The following CXXC5 variants were observed in gnomAD, a reference collection of about 807,000 sequenced individuals.
CXXC5 encodes CXXC-type zinc finger protein 5.
A neutral mutation model predicts 17.6 loss-of-function variants in CXXC5; 2 were observed. The ratio of observed to expected loss-of-function variants is 0.11; its 90% CI spans 0.05 to 0.36. CXXC5 has a LOEUF of 0.36. Among genes scored for constraint, CXXC5 ranks in the 10% least tolerant of loss-of-function variants. The probability of loss-of-function intolerance (pLI) is 1.00; values close to 1 mark genes in which losing one functional copy is unlikely to be tolerated. For synonymous variants in CXXC5, 171 were observed against 193.0 expected, an observed-to-expected ratio of 0.89 and a Z score of 0.94; for missense variants, 343 against 458.3, an observed-to-expected ratio of 0.75 and a Z score of 2.30.
At position 139,668,523 on chromosome 5, in the gene CXXC5, G is replaced by T. The variant is rs1756257064; in HGVS notation, c.-160-11841G>T. On this transcript the variant is annotated intron_variant, in intron 1 of 2. Transcript: ENST00000302517. The surrounding 1 kb of genome is among the most constrained non-coding windows in gnomAD (Gnocchi z 4.1). ...CCGCTCCAGGCCCGAGGTGATGGCG[G>T]CTGTTCCTGCCGTTCTGGGGCCTGT... 6.6e-6 allele frequency among the ~76,000 whole-genome samples: 1 copy of T among 152,154 alleles called. No homozygotes were observed. Among genetic ancestry groups the T allele is most frequent in the Non-Finnish European group, 1.5e-5 (1 of 68,020 alleles).
chr5:139,649,383 A>C (rs1423956187), intron 1 of CXXC5: 1 of 151,572 alleles, frequency 6.6e-6, no homozygotes, highest in South Asian at 2.1e-4. Flanking sequence ...CTGCTTGTAG[A>C]TCTCTGGCGC....
intron 1 of CXXC5, among the ~76,000 whole-genome samples, chr5:139,674,502 G>A (rs181339973): frequency 4.6e-5 from 7 of 152,252 alleles, no homozygotes; most frequent in East Asian, 1.9e-4. Flanking sequence ...GTCCTGAAAC[G>A]CAGCCTCTTC....
In CXXC5 at chr5:139,661,459, C is replaced by CACA. The variant is rs1041541491; in HGVS notation, c.-161+12615_-161+12617dup. On this transcript the variant is annotated intron_variant, in intron 1 of 2. Coordinates refer to ENST00000302517, the MANE Select transcript of CXXC5 (RefSeq NM_016463.9). This position sits in a 1 kb window ranked among gnomAD's most constrained non-coding sequence, Gnocchi z 4.7. ...TACAGACTCGGTCACATGCACCATG[C>CACA]ACACACAGCTCCCATGTGGTGCTCC... Among the ~76,000 whole-genome samples, 1 of 152,218 alleles carries CACA rather than the reference C, an allele frequency of 6.6e-6. No individual in the cohort carries two copies. The highest frequency in any genetic ancestry group is 1.5e-5 in the Non-Finnish European group (1 of 68,040).
At chr5:139,652,696 G>A (rs1225479205) in intron 1 of CXXC5, among the ~76,000 whole-genome samples, 1 of 152,220 alleles carries the variant, frequency 6.6e-6, no homozygotes, top group Non-Finnish European at 1.5e-5. Flanking sequence ...ATCTAGAAGT[G>A]TGTGGATCTG....
At chr5:139,662,720 A>G (rs1218683952) in intron 1 of CXXC5, among the ~76,000 whole-genome samples, 1 of 152,234 alleles carries the variant, frequency 6.6e-6, no homozygotes, top group Non-Finnish European at 1.5e-5. Context: ...AGCAGTGGCC[A>G]GTCAGGAAAC....
rs917325306 is a variant in CXXC5 at position 139,668,238 on chromosome 5, C to T, written c.-160-12126C>T. Among the ~76,000 whole-genome samples, 3 of 152,176 alleles carry T rather than the reference C, an allele frequency of 2.0e-5. No homozygotes were observed. The highest frequency in any genetic ancestry group is 4.8e-5 in the African/African-American group (2 of 41,432). On this transcript the variant is annotated intron_variant, in intron 1 of 2. Coordinates refer to ENST00000302517, the MANE Select transcript of CXXC5 (RefSeq NM_016463.9). The surrounding 1 kb of genome is among the most constrained non-coding windows in gnomAD (Gnocchi z 4.1). ...GACAAACTTTGAAAGCCTCTAATTGCTGCGCCTGGTGGCACCGTGGAATGA... is the reference window on the plus strand; with the variant it reads ...GACAAACTTTGAAAGCCTCTAATTGTTGCGCCTGGTGGCACCGTGGAATGA...
At position 139,670,191 on chromosome 5, in the gene CXXC5, G is replaced by A. The variant is rs748788889; in HGVS notation, c.-160-10173G>A. 6.6e-6 allele frequency among the ~76,000 whole-genome samples: 1 copy of A among 152,098 alleles called. No homozygotes were observed. The highest frequency in any genetic ancestry group is 2.4e-5 in the African/African-American group (1 of 41,402). On this transcript the variant is annotated intron_variant, in intron 1 of 2. Coordinates refer to ENST00000302517, the MANE Select transcript of CXXC5 (RefSeq NM_016463.9). This position sits in a 1 kb window ranked among gnomAD's most constrained non-coding sequence, Gnocchi z 4.2. Reference sequence around the variant, plus strand: ...CTCCCTCCCTCCTCCTCAGCCTCCCGCCTCTCGCCTGCCTCCCCCACGCCT... The same window carrying A: ...CTCCCTCCCTCCTCCTCAGCCTCCCACCTCTCGCCTGCCTCCCCCACGCCT...
chr5:139,674,713 T>G (rs1756684225), intron 1 of CXXC5, among the ~76,000 whole-genome samples: 1 of 152,014 alleles, frequency 6.6e-6, no homozygotes, highest in Non-Finnish European at 1.5e-5. Context: ...TCGATAAAAC[T>G]GTTTTTTAAA....
At chr5:139,664,842 A>G (rs1756012944) in intron 1 of CXXC5, among the ~76,000 whole-genome samples, 1 of 152,166 alleles carries the variant, frequency 6.6e-6, no homozygotes, top group Non-Finnish European at 1.5e-5. Flanking sequence ...GACCCACACC[A>G]GTGCCCCACT....
intron 1 of CXXC5, among the ~76,000 whole-genome samples, chr5:139,653,537 G>C (rs1390745626): frequency 6.6e-6 from 1 of 152,176 alleles, no homozygotes; most frequent in Non-Finnish European, 1.5e-5. Context: ...GTTCCCTGGG[G>C]GAGGATTCCC....
chr5:139,671,428 C>T (rs1756461426), intron 1 of CXXC5, among the ~76,000 whole-genome samples: 1 of 152,226 alleles, frequency 6.6e-6, no homozygotes, highest in African/African-American at 2.4e-5. Context: ...GTGACTGCCC[C>T]CGGGAGAGGA....
chr5:139,655,749 GC>G (rs1217652038), intron 1 of CXXC5, among the ~76,000 whole-genome samples: 21 of 104,352 alleles, frequency 2.0e-4, no homozygotes, highest in Admixed American at 1.0e-3. Context: ...ACCCCTTCCT[GC>G]CCCCTCCCCC....
chr5:139,673,563 T>C (rs1371097228), intron 1 of CXXC5, among the ~76,000 whole-genome samples: 2 of 152,186 alleles, frequency 1.3e-5, no homozygotes, highest in African/African-American at 4.8e-5. Flanking sequence ...AGAGCCTGGC[T>C]GGGTGCGGTG....
intron 1 of CXXC5, among the ~76,000 whole-genome samples, chr5:139,655,232 G>A (rs1755422313): frequency 6.6e-6 from 1 of 152,142 alleles, no homozygotes; most frequent in Admixed American, 6.5e-5. Flanking sequence ...GGAGAGCTGG[G>A]GAGACTGGCT....
intron 1 of CXXC5, among the ~76,000 whole-genome samples, chr5:139,671,060 G>A (rs1756439705): frequency 6.6e-6 from 1 of 152,264 alleles, no homozygotes; most frequent in Non-Finnish European, 1.5e-5. Context: ...TGAGCTTGAG[G>A]CCTCAGCTTG....
At chr5:139,669,373 G>A (rs191914530) in intron 1 of CXXC5, among the ~76,000 whole-genome samples, 1,722 of 152,200 alleles carry the variant, frequency 0.011, 16 homozygotes, top group Middle Eastern at 0.041. Flanking sequence ...CTAGAGTGGC[G>A]GTGCCCAGCC....
At chr5:139,665,357 G>A (rs1482582093) in intron 1 of CXXC5, among the ~76,000 whole-genome samples, 1 of 152,242 alleles carries the variant, frequency 6.6e-6, no homozygotes, top group Non-Finnish European at 1.5e-5. Flanking sequence ...CGGGGTGGGG[G>A]ATGGGGGCAC....
intron 1 of CXXC5, among the ~76,000 whole-genome samples, chr5:139,673,335 A>G (rs1756583390): frequency 2.6e-5 from 4 of 152,150 alleles, no homozygotes; most frequent in Admixed American, 1.3e-4. Flanking sequence ...AAAATGGGGA[A>G]GGGTCTTCCT....
Position 139,661,176 on chromosome 5 carries a change from G to A in CXXC5, c.-161+12331G>A, listed in dbSNP as rs1358015011. 2.0e-5 allele frequency among the ~76,000 whole-genome samples: 3 copies of A among 152,114 alleles called. No homozygotes were observed. The highest frequency in any genetic ancestry group is 1.3e-4 in the Admixed American group (2 of 15,280). ...CAGCCTCCCCGCCGCGGCTGCCCGC[G>A]CCGCCCCCCCACCTCTTGCGCTGTC... On this transcript the variant is annotated intron_variant, in intron 1 of 2. Coordinates refer to ENST00000302517, the MANE Select transcript of CXXC5 (RefSeq NM_016463.9). This position sits in a 1 kb window ranked among gnomAD's most constrained non-coding sequence, Gnocchi z 4.7.
Sources: allele counts gnomAD v4.1 joint callset (sites outside exome capture counted in the v4.1 genomes callset), GRCh38; gene constraint gnomAD v4.1.1; non-coding constraint Gnocchi (gnomAD v3.1); transcripts MANE v1.5; gene names NCBI Gene and HGNC (gene_info 2026-07-23, HGNC 2026-07-21).